Variants in NTRK3 observed in about 807,000 individuals in gnomAD.
NTRK3 encodes the protein neurotrophic receptor tyrosine kinase 3, also known as NT-3 growth factor receptor.
A neutral mutation model predicts 91.7 loss-of-function variants in NTRK3; 24 were observed. That is an observed-to-expected ratio of 0.26 (90% confidence interval 0.19 to 0.37). NTRK3 has a LOEUF of 0.37. Ranked by LOEUF, NTRK3 falls within the 10% of genes least tolerant of loss-of-function variation. NTRK3 has a pLI of 1.00. For missense variants in NTRK3, 880 were observed against 1,068.9 expected (o/e 0.82, Z 2.46); for synonymous variants, 483 against 404.0 (o/e 1.20, Z -2.34).
At chr15:88,057,646 T>C (rs1049706425) in intron 13 of NTRK3, among the ~76,000 whole-genome samples, 1 of 152,152 alleles carries the variant, frequency 6.6e-6, no homozygotes, top group Non-Finnish European at 1.5e-5. Flanking sequence ...GACTACAACC[T>C]CAGGGGAGCA....
intron 3 of NTRK3, among the ~76,000 whole-genome samples, chr15:88,214,831 C>G (rs1438506513): frequency 1.3e-5 from 2 of 152,210 alleles, no homozygotes; most frequent in Non-Finnish European, 2.9e-5. Flanking sequence ...CACATCTGCC[C>G]CTCCACTAGG....
intron 14 of NTRK3, among the ~76,000 whole-genome samples, chr15:87,989,914 A>G (rs1487467171): frequency 2.6e-5 from 4 of 152,134 alleles, no homozygotes; most frequent in African/African-American, 9.7e-5. Context: ...GGCTTGTTTC[A>G]AGATTTTTCA....
chr15:88,039,647 C>T (rs572633143), intron 13 of NTRK3, among the ~76,000 whole-genome samples: 2 of 152,204 alleles, frequency 1.3e-5, no homozygotes, highest in Admixed American at 6.5e-5. Context: ...GTTTGAAATG[C>T]TTGTTCCCCA....
intron 14 of NTRK3, chr15:87,979,584 T>A: frequency 1.4e-6 from 1 of 696,252 alleles, no homozygotes; most frequent in Non-Finnish European, 2.5e-6. Context: ...GGAAGAACTG[T>A]CAGCAAAAGG....
chr15:88,193,679 C>T (rs1194051306), intron 3 of NTRK3, among the ~76,000 whole-genome samples: 1 of 152,218 alleles, frequency 6.6e-6, no homozygotes, highest in Admixed American at 6.5e-5. Flanking sequence ...TAGCTATCAG[C>T]TTCCCATGTG....
Position 88,184,308 on chromosome 15 carries a change from G to T in NTRK3, c.249-9C>A. The T allele has an allele frequency of 6.2e-7, 1 of 1,613,842 alleles. No individual in the cohort carries two copies. Among genetic ancestry groups the T allele is most frequent in the South Asian group, 1.1e-5 (1 of 91,040 alleles). On this transcript the variant is annotated splice_polypyrimidine_tract_variant and intron_variant, in intron 3 of 18. Transcript: ENST00000394480. ...GCCAGTTCTCTATGTGTCTGCAGGG[G>T]AGGAGGAAAGGTAACGGTCAGCCAG...
At chr15:87,890,122 C>G (rs1343868579) in intron 17 of NTRK3, among the ~76,000 whole-genome samples, 1 of 151,954 alleles carries the variant, frequency 6.6e-6, no homozygotes, top group Non-Finnish European at 1.5e-5. Flanking sequence ...GATACCTGAC[C>G]AGGTATCCAG....
At chr15:88,182,502 G>A (rs1460683033) in intron 5 of NTRK3, among the ~76,000 whole-genome samples, 1 of 152,094 alleles carries the variant, frequency 6.6e-6, no homozygotes, top group Non-Finnish European at 1.5e-5. Flanking sequence ...GGAAAGACTA[G>A]CCCATAGCAC....
intron 14 of NTRK3, among the ~76,000 whole-genome samples, chr15:87,947,244 G>C (rs2070644224): frequency 6.9e-6 from 1 of 145,078 alleles, no homozygotes; most frequent in South Asian, 2.2e-4. Context: ...TGAAGCTCCA[G>C]GTGGTTACGT....
chr15:88,184,617 A>G (rs981520005), intron 3 of NTRK3, among the ~76,000 whole-genome samples: 1 of 152,228 alleles, frequency 6.6e-6, no homozygotes, highest in Non-Finnish European at 1.5e-5. Context: ...TTGTCTTCCT[A>G]ACTCAGTTTT....
chr15:88,051,956 T>C (rs372398335), intron 13 of NTRK3, among the ~76,000 whole-genome samples: 1 of 152,222 alleles, frequency 6.6e-6, no homozygotes, highest in East Asian at 1.9e-4. Flanking sequence ...AAATAAGGAA[T>C]GAGCTTTATT....
chr15:87,945,803 GAAAAAAAAAAAAA>G (rs34162356), intron 14 of NTRK3, among the ~76,000 whole-genome samples: 4 of 106,762 alleles, frequency 3.7e-5, no homozygotes, highest in Non-Finnish European at 8.1e-5. Flanking sequence ...TGAAGACTGG[GAAAAAAAAAAAAA>G]AAAAAAAAAA....
chr15:88,036,193 C>T (rs138006259), intron 13 of NTRK3, among the ~76,000 whole-genome samples: 29 of 152,162 alleles, frequency 1.9e-4, no homozygotes, highest in East Asian at 5.8e-4. Context: ...TGCACATACA[C>T]GCACATACAC....
At chr15:88,033,203 TA>T (rs1362504323) in intron 13 of NTRK3, among the ~76,000 whole-genome samples, 158 bp from the exon 14 acceptor site, 1 of 121,752 alleles carries the variant, frequency 8.2e-6, no homozygotes, top group Non-Finnish European at 1.7e-5. Flanking sequence ...TATATATATA[TA>T]TATATATATA....
chr15:88,225,736 G>C (rs1001572102), intron 3 of NTRK3, among the ~76,000 whole-genome samples: 1 of 152,148 alleles, frequency 6.6e-6, no homozygotes, highest in Non-Finnish European at 1.5e-5. Context: ...ATGCAGACCA[G>C]ATCCAAAACC....
In NTRK3 at chr15:88,240,961, G is replaced by C. The variant is rs975855531; in HGVS notation, c.248+14945C>G. Among the ~76,000 whole-genome samples, 1 of 152,212 alleles carries C rather than the reference G, an allele frequency of 6.6e-6. No individual in the cohort carries two copies. ...TGTGTGCCCTCAGCAAGCTGGGAGGGTTGCTGTGGGCCTGGGGGACATTCT... is the reference window on the plus strand; with the variant it reads ...TGTGTGCCCTCAGCAAGCTGGGAGGCTTGCTGTGGGCCTGGGGGACATTCT... On this transcript the variant is annotated intron_variant, in intron 3 of 18. Transcript: ENST00000394480. This position sits in a 1 kb window ranked among gnomAD's most constrained non-coding sequence, Gnocchi z 4.9.
chr15:88,159,818 G>A (rs970495550), intron 5 of NTRK3, among the ~76,000 whole-genome samples: 2 of 151,960 alleles, frequency 1.3e-5, no homozygotes, highest in African/African-American at 4.8e-5. Flanking sequence ...CTGGTCCAGG[G>A]CAGGGCCATC....
At chr15:87,991,101 A>G (rs756584416) in intron 14 of NTRK3, among the ~76,000 whole-genome samples, 3 of 152,086 alleles carry the variant, frequency 2.0e-5, no homozygotes, top group Admixed American at 6.5e-5. Flanking sequence ...TGGCACCTTG[A>G]CCATCCCACA....
chr15:88,236,375 G>A (rs2141822208), intron 3 of NTRK3, among the ~76,000 whole-genome samples: 1 of 152,036 alleles, frequency 6.6e-6, no homozygotes, highest in South Asian at 2.1e-4. Flanking sequence ...CATCTATTGT[G>A]AAAAAGCCCA....
Sources: allele counts gnomAD v4.1 joint callset (sites outside exome capture counted in the v4.1 genomes callset), GRCh38; gene constraint gnomAD v4.1.1; non-coding constraint Gnocchi (gnomAD v3.1); transcripts MANE v1.5; gene names NCBI Gene and HGNC (gene_info 2026-07-23, HGNC 2026-07-21).